Variants in ALDH3A2 observed in about 807,000 individuals in gnomAD.
The protein encoded by ALDH3A2 is aldehyde dehydrogenase family 3 member A2.
ALDH3A2 carries 36 observed loss-of-function variants against 51.3 expected under a neutral mutation model. That is an observed-to-expected ratio of 0.70 (90% CI 0.54 to 0.93). The LOEUF is 0.93. Among genes scored for constraint, ALDH3A2 ranks in the 40% least tolerant of loss-of-function variants. ALDH3A2 has a pLI of 0.00. For synonymous variants in ALDH3A2, 199 were observed against 219.8 expected (o/e 0.91, Z 0.84); for missense variants, 552 against 603.1 (o/e 0.92, Z 0.89).
intron 4 of ALDH3A2, among the ~76,000 whole-genome samples, chr17:19,657,480 A>G (rs1296441948): frequency 6.6e-6 from 1 of 152,228 alleles, no homozygotes; most frequent in African/African-American, 2.4e-5. Context: ...GCAGCAGGCA[A>G]TGGCTTCACT....
intron 3 of ALDH3A2, among the ~76,000 whole-genome samples, chr17:19,653,639 A>G (rs1449713318): frequency 6.6e-6 from 1 of 152,140 alleles, no homozygotes; most frequent in South Asian, 2.1e-4. Context: ...CGCTGGCCTC[A>G]GGAGTGAAGC....
upstream of ALDH3A2, chr17:19,648,450 G>C (rs2084763787): frequency 6.5e-6 from 1 of 154,062 alleles, no homozygotes; most frequent in South Asian, 1.9e-4. Context: ...GGGCGCTTCC[G>C]GCAGGGCGCC....
intron 1 of ALDH3A2, 184 bp downstream of exon 1, chr17:19,649,308 A>G: frequency 2.7e-6 from 2 of 727,756 alleles, no homozygotes; most frequent in Non-Finnish European, 4.4e-6. Context: ...TAGCACTCAG[A>G]AGGGCATATG....
intron 7 of ALDH3A2, among the ~76,000 whole-genome samples, chr17:19,664,481 T>C (rs2085008845): frequency 6.6e-6 from 1 of 152,200 alleles, no homozygotes; most frequent in African/African-American, 2.4e-5. Flanking sequence ...TCTTAAAAAA[T>C]AGGATGCTAA....
intron 1 of ALDH3A2, 90 bp downstream of exon 1, chr17:19,649,214 A>G: frequency 1.3e-6 from 2 of 1,488,852 alleles, no homozygotes; most frequent in South Asian, 2.5e-5. Context: ...TTTTGCTTTT[A>G]CATTTCGGAT....
chr17:19,656,524 G>A lies in ALDH3A2; in HGVS notation c.630G>A (p.Gly210=). The A allele has an allele frequency of 6.2e-7, 1 of 1,614,062 alleles. No individual in the cohort carries two copies. Among genetic ancestry groups the A allele is most frequent in the Non-Finnish European group, 8.5e-7 (1 of 1,179,990 alleles). ...CCCCTGTGACTCTTGAACTGGGAGG[G>A]AAAAGTCCATGTTATATTGATAAAG... ...HLTPVTLELG[G]KSPCYIDKDC... The change falls in exon 4 of 10, where the codon GGG becomes GGA. Residue 210 remains glycine, a synonymous_variant. Coordinates refer to ENST00000176643, the MANE Select transcript of ALDH3A2 (RefSeq NM_000382.3).
rs369182127 is a variant in ALDH3A2 at position 19,649,017 on chromosome 17, C to G, written c.46C>G (p.Arg16Gly). ...RRVRQAFLSGRSRPLRFRLQQ... is the reference protein window; with the variant it reads ...RRVRQAFLSGGSRPLRFRLQQ... ...GGTCCGACAGGCGTTCCTGTCCGGC[C>G]GGTCGCGACCTCTGCGGTTTCGGCT... The change falls in exon 1 of 10, where the codon CGG becomes GGG. Residue 16 changes from arginine to glycine, a missense_variant. By Grantham distance (125) the Arg-to-Gly change is moderately radical. Coordinates refer to ENST00000176643, the MANE Select transcript of ALDH3A2 (RefSeq NM_000382.3). 1 of 1,582,398 alleles carries G rather than the reference C, an allele frequency of 6.3e-7. No homozygotes were observed. The highest frequency in any genetic ancestry group is 1.2e-5 in the South Asian group (1 of 86,772).
chr17:19,652,743 T>G (rs1219311629), intron 3 of ALDH3A2, 111 bp downstream of exon 3: 1 of 922,386 alleles, frequency 1.1e-6, no homozygotes, highest in Non-Finnish European at 1.8e-6. Flanking sequence ...TGCAGTCTCT[T>G]TAAGCCTTCA....
Position 19,671,843 on chromosome 17 carries a change from A to T in ALDH3A2, c.1330A>T (p.Ser444Cys), listed in dbSNP as rs1386586429. 6.2e-7 allele frequency: 1 copy of T among 1,614,198 alleles called. No homozygotes were observed. The highest frequency in any genetic ancestry group is 8.5e-7 in the Non-Finnish European group (1 of 1,180,006). The stretch of plus-strand genomic sequence containing the variant: ...TAACAAACTCAGATATCCTCCCAAC[A>T]GCCAGTCAAAGGTGGATTGGGGAAA... ...GANKLRYPPNSQSKVDWGKFF... is the reference protein window; with the variant it reads ...GANKLRYPPNCQSKVDWGKFF... Residue 444 changes from serine (S) to cysteine (C), a missense_variant, in exon 9 of 10, where the codon AGC (serine) becomes TGC (cysteine). Ser to Cys is a moderately radical substitution (Grantham distance 112, BLOSUM62 -1). Coordinates refer to ENST00000176643, the MANE Select transcript of ALDH3A2 (RefSeq NM_000382.3).
chr17:19,671,965 C>T lies in ALDH3A2; in HGVS notation c.1443+9C>T. 1 of 1,611,352 alleles carries T rather than the reference C, an allele frequency of 6.2e-7. No homozygotes were observed. The highest frequency in any genetic ancestry group is 1.1e-5 in the South Asian group (1 of 91,002). On this transcript the variant is annotated intron_variant, in intron 9 of 9. Coordinates refer to ENST00000176643, the MANE Select transcript of ALDH3A2 (RefSeq NM_000382.3). ...CCGCTGTGCTTGTCAAGGTGAGTCC[C>T]TATAACCCATGAGTGCCATTCAGTC...
chr17:19,663,628 T>C (rs2084998216), intron 7 of ALDH3A2, 129 bp downstream of exon 7: 3 of 1,122,738 alleles, frequency 2.7e-6, no homozygotes, highest in Non-Finnish European at 2.6e-6. Context: ...TCAGAGTCCA[T>C]CCACTAAGTG....
At chr17:19,667,599 C>T (rs892551983) in intron 8 of ALDH3A2, among the ~76,000 whole-genome samples, 2 of 151,910 alleles carry the variant, frequency 1.3e-5, no homozygotes, top group African/African-American at 4.8e-5. Flanking sequence ...CTCCCTGTCA[C>T]CTAAGCTGGA....
intron 8 of ALDH3A2, among the ~76,000 whole-genome samples, chr17:19,669,244 A>G (rs1597570548): frequency 6.6e-6 from 1 of 152,070 alleles, no homozygotes; most frequent in East Asian, 1.9e-4. Context: ...CGGAGGCTGC[A>G]GTGAGCCAAG....
chr17:19,659,286 C>T (rs1354023584), intron 5 of ALDH3A2, among the ~76,000 whole-genome samples: 3 of 152,054 alleles, frequency 2.0e-5, no homozygotes, highest in African/African-American at 4.8e-5. Context: ...TCCTGTAATC[C>T]GAGCACTTTG....
At chr17:19,648,351 G>C (rs1405900504), upstream of ALDH3A2, 1 of 152,788 alleles carries the variant, frequency 6.5e-6, no homozygotes, top group East Asian at 1.9e-4. Context: ...CTCCAACTAC[G>C]TCCATCTGGC....
intron 7 of ALDH3A2, 67 bp from the exon 8 acceptor site, chr17:19,664,881 T>A (rs2085013804): frequency 1.3e-5 from 14 of 1,066,516 alleles, no homozygotes; most frequent in Non-Finnish European, 1.9e-5. Context: ...GCCCTCTGTG[T>A]GGTGGGGCCA....
chr17:19,667,259 C>T (rs1444827851), intron 8 of ALDH3A2, among the ~76,000 whole-genome samples: 1 of 152,170 alleles, frequency 6.6e-6, no homozygotes, highest in East Asian at 1.9e-4. Flanking sequence ...ATTTTAGTAG[C>T]TGCATACTTT....
At position 19,660,658 on chromosome 17, in the gene ALDH3A2, G is replaced by C. The variant is rs137949304; in HGVS notation, c.799-469G>C. 2.0e-3 allele frequency among the ~76,000 whole-genome samples: 298 copies of C among 152,326 alleles called. 1 individual carries two copies. Among genetic ancestry groups the C allele is most frequent in the African/African-American group, 6.7e-3 (280 of 41,576 alleles). On this transcript the variant is annotated intron_variant, in intron 5 of 9. Coordinates refer to ENST00000176643, the MANE Select transcript of ALDH3A2 (RefSeq NM_000382.3). ...AAACAACAAAGTGGAGCAAAGATTG[G>C]CAAATGGTTTCTGTAAAGGGCTAGA...
intron 8 of ALDH3A2, among the ~76,000 whole-genome samples, chr17:19,666,209 G>A (rs928519613): frequency 6.6e-6 from 1 of 151,962 alleles, no homozygotes; most frequent in Non-Finnish European, 1.5e-5. Flanking sequence ...GTTGGAGGAG[G>A]GGGTGAATGA....
Sources: allele counts gnomAD v4.1 joint callset (sites outside exome capture counted in the v4.1 genomes callset), GRCh38; gene constraint gnomAD v4.1.1; transcripts MANE v1.5; gene names NCBI Gene and HGNC (gene_info 2026-07-23, HGNC 2026-07-21).